TJP1: variants seen among roughly 807,000 people sequenced by gnomAD.
TJP1 encodes tight junction protein ZO-1.
A neutral mutation model predicts 194.2 loss-of-function variants in TJP1; 43 were observed. The observed-to-expected ratio is 0.22, with a 90% CI of 0.17 to 0.29. The LOEUF is 0.29. TJP1 is among the 10% of genes least tolerant of loss of function. The pLI is 1.00. For missense variants in TJP1, 1,971 were observed against 2,185.7 expected (o/e 0.90, Z 1.96); for synonymous variants, 801 against 779.0 (o/e 1.03, Z -0.47).
At chr15:29,810,157 G>A (rs574080368) in intron 1 of TJP1, among the ~76,000 whole-genome samples, 5 of 152,250 alleles carry the variant, frequency 3.3e-5, no homozygotes, top group African/African-American at 7.2e-5. Context: ...TGTTCACTAT[G>A]TACTAACAGA....
At chr15:29,912,950 A>C (rs974206279) in intron 2 of TJP1, among the ~76,000 whole-genome samples, 1 of 152,228 alleles carries the variant, frequency 6.6e-6, no homozygotes, top group Non-Finnish European at 1.5e-5. Context: ...ACAGTTCTGC[A>C]GGATTGCAGG....
At chr15:29,780,166 A>C (rs905908846) in intron 2 of TJP1, among the ~76,000 whole-genome samples, 1 of 152,132 alleles carries the variant, frequency 6.6e-6, no homozygotes, top group Non-Finnish European at 1.5e-5. Context: ...ATCCAAGTAC[A>C]TTACATTTAT....
chr15:29,966,666 A>AG (rs11437643), intron 1 of TJP1, among the ~76,000 whole-genome samples: 149,821 of 152,186 alleles, frequency 0.98, 73,761 homozygotes, highest in Middle Eastern at 1. Context: ...CATCCGTTGC[A>AG]GGGTTTTACA....
At chr15:29,775,131 C>T (rs1487824657) in intron 2 of TJP1, among the ~76,000 whole-genome samples, 1 of 152,142 alleles carries the variant, frequency 6.6e-6, no homozygotes, top group African/African-American at 2.4e-5. Context: ...GGCTCCCCAC[C>T]CATTAGTTAC....
At chr15:29,773,417 A>G (rs2046815695) in intron 2 of TJP1, 60 bp from the exon 3 acceptor site, 1 of 1,553,944 alleles carries the variant, frequency 6.4e-7, no homozygotes, top group Non-Finnish European at 8.8e-7. Context: ...GTTATATCAT[A>G]CTCTACAATC....
chr15:29,776,410 A>G (rs2047015653), intron 2 of TJP1, among the ~76,000 whole-genome samples: 1 of 152,216 alleles, frequency 6.6e-6, no homozygotes, highest in Non-Finnish European at 1.5e-5. Context: ...AAGTACACAA[A>G]GAAAATCCAG....
intron 2 of TJP1, among the ~76,000 whole-genome samples, chr15:29,904,013 A>G (rs1819714503): frequency 6.6e-6 from 1 of 152,148 alleles, no homozygotes; most frequent in Non-Finnish European, 1.5e-5. Flanking sequence ...GACCTCTTGG[A>G]GCTGGGTGTG....
chr15:29,864,006 A>G (rs2052199065), intron 2 of TJP1, among the ~76,000 whole-genome samples: 1 of 152,014 alleles, frequency 6.6e-6, no homozygotes, highest in Admixed American at 6.6e-5. Context: ...CAACTTCCCA[A>G]AGTTGTTTAA....
rs1373378616 is a variant in TJP1, at chr15:29,720,484, C to T, written c.2637G>A (p.Glu879=). Residue 879 remains glutamate (E), a synonymous_variant, in exon 19 of 28, where the codon GAG becomes GAA. Coordinates refer to ENST00000614355, the MANE Select transcript of TJP1 (RefSeq NM_001330239.4). ...TTCCAGAGGAGTCCTCTCTTACAGG[C>T]TCAGAGGACCGTGTAATGGCAGACT... ...PPESAITRSS[E]PVREDSSGMH... is the part of the protein sequence containing the mutation. 2 of 1,614,080 alleles carry T rather than the reference C, an allele frequency of 1.2e-6. No individual in the cohort carries two copies. Among genetic ancestry groups the T allele is most frequent in the African/African-American group, 2.7e-5 (2 of 75,004 alleles).
chr15:29,736,876 T>G (rs1308498272), intron 11 of TJP1, among the ~76,000 whole-genome samples: 1 of 152,200 alleles, frequency 6.6e-6, no homozygotes, highest in East Asian at 1.9e-4. Context: ...GAGGAACACT[T>G]GATGTTGCTT....
At chr15:29,779,328 TG>T (rs1349500361) in intron 2 of TJP1, among the ~76,000 whole-genome samples, 1 of 152,200 alleles carries the variant, frequency 6.6e-6, no homozygotes, top group Non-Finnish European at 1.5e-5. Context: ...CTTGACTACA[TG>T]TATGCAGATC....
chr15:29,784,697 G>C (rs2047587057), intron 2 of TJP1, among the ~76,000 whole-genome samples: 1 of 152,066 alleles, frequency 6.6e-6, no homozygotes, highest in Admixed American at 6.5e-5. Context: ...TTGTCTTTAT[G>C]ATCTCATCCT....
At chr15:29,802,488 C>T (rs1362963968) in intron 1 of TJP1, among the ~76,000 whole-genome samples, 6 of 151,966 alleles carry the variant, frequency 3.9e-5, no homozygotes, top group Non-Finnish European at 1.5e-5. Context: ...GAACTGCCAA[C>T]CTCACCAGCA....
intron 14 of TJP1, 33 bp downstream of exon 14, chr15:29,732,598 G>GGGT: frequency 6.2e-7 from 1 of 1,612,904 alleles, no homozygotes; most frequent in Non-Finnish European, 8.5e-7. Context: ...TGACGTTAAA[G>GGGT]GGTATTAGGT....
At chr15:29,893,878 G>A (rs771293194) in intron 2 of TJP1, among the ~76,000 whole-genome samples, 3 of 152,116 alleles carry the variant, frequency 2.0e-5, no homozygotes, top group Non-Finnish European at 4.4e-5. Context: ...AACTTCTGAA[G>A]TAATAGGTTT....
chr15:29,722,561 G>A (rs892765677), intron 18 of TJP1, among the ~76,000 whole-genome samples: 3 of 152,196 alleles, frequency 2.0e-5, no homozygotes, highest in African/African-American at 7.2e-5. Context: ...TGCAGGAGCG[G>A]AGCCCTCATG....
chr15:29,712,597 A>C (rs529224745), intron 23 of TJP1, among the ~76,000 whole-genome samples: 1 of 152,208 alleles, frequency 6.6e-6, no homozygotes, highest in South Asian at 2.1e-4. Context: ...ATTGAAGATA[A>C]ATAAAACACA....
chr15:29,950,141 ACAACCACCACCT>A (rs2055661257), intron 2 of TJP1, among the ~76,000 whole-genome samples: 1 of 67,614 alleles, frequency 1.5e-5, no homozygotes, highest in Non-Finnish European at 3.2e-5. Context: ...CACCACCACC[ACAACCACCACCT>A]CCACCACCAC....
intron 2 of TJP1, among the ~76,000 whole-genome samples, chr15:29,855,193 A>T (rs1478600156): frequency 6.6e-6 from 1 of 152,240 alleles, no homozygotes; most frequent in Admixed American, 6.5e-5. Flanking sequence ...AACAGCTTTT[A>T]TTAATCATTG....
Sources: gnomAD v4.1 joint callset for allele counts (sites outside exome capture counted in the v4.1 genomes callset) on GRCh38, gnomAD v4.1.1 for gene constraint, MANE v1.5 for transcripts, NCBI Gene and HGNC (gene_info 2026-07-23, HGNC 2026-07-21) for gene names.